DENND4A: variants seen among roughly 807,000 people sequenced by gnomAD.
DENND4A encodes the protein DENN domain containing 4A.
Under a neutral mutation model 199.3 loss-of-function variants are expected in DENND4A, and 70 were observed. The observed-to-expected ratio is 0.35, with a 90% CI of 0.29 to 0.43. The LOEUF (loss-of-function observed/expected upper bound fraction) is 0.43, where lower values mean the gene tolerates loss of function less well. Among genes scored for constraint, DENND4A ranks in the 20% least tolerant of loss-of-function variants. DENND4A has a pLI of 1.00. For missense variants in DENND4A, 1,723 were observed against 2,255.8 expected, an observed-to-expected ratio of 0.76 and a Z score of 4.78; for synonymous variants, 686 against 766.9, an observed-to-expected ratio of 0.89 and a Z score of 1.74.
rs533854667 is a variant in DENND4A at position 65,705,063 on chromosome 15, G to A, written c.2087+1028C>T. ...TTGTTTAGAAAGACAAAGAGAGGAA[G>A]AGAGAAATTAAGAGAAATATTTTAA... On this transcript the variant is annotated intron_variant, in intron 15 of 32. Coordinates refer to ENST00000443035, the MANE Select transcript of DENND4A (RefSeq NM_001320835.1). Among the ~76,000 whole-genome samples, 29 of 152,272 alleles carry A rather than the reference G, an allele frequency of 1.9e-4. No individual in the cohort carries two copies. In the South Asian group the frequency reaches 6.0e-3, roughly 32 times the overall value.
At chr15:65,690,317 G>A in intron 23 of DENND4A, 98 bp downstream of exon 23, 1 of 1,295,062 alleles carries the variant, frequency 7.7e-7, no homozygotes, top group South Asian at 1.9e-5. Context: ...TTTTTATAAA[G>A]CTATGTTTAG....
rs867596120 is a variant in DENND4A at position 65,741,434 on chromosome 15, C to T, written c.631+281G>A. On this transcript the variant is annotated intron_variant, in intron 5 of 32. Coordinates refer to ENST00000443035, the MANE Select transcript of DENND4A (RefSeq NM_001320835.1). ...GAAATATTAATTTAAAATGAAAATA[C>T]ATTTTACCATATTTCTGCTGATTTA... 1.4e-4 allele frequency among the ~76,000 whole-genome samples: 21 copies of T among 152,200 alleles called. 2 individuals carry two copies. In the Middle Eastern group the frequency reaches 0.027, roughly 197 times the overall value.
chr15:65,701,872 T>C lies in DENND4A; in HGVS notation c.2449A>G (p.Met817Val). 1.9e-6 allele frequency: 3 copies of C among 1,613,862 alleles called. No homozygotes were observed. Among genetic ancestry groups the C allele is most frequent in the Non-Finnish European group, 2.5e-6 (3 of 1,179,812 alleles). ...TGATCATATTGTCCACAGAGTTGCA[T>C]AAGAATGCGGTAGCATACCTGAAAT... ...PPDEVCYRIL[M>V]QLCGQYDQPV... The change falls in exon 18 of 33, where the codon ATG becomes GTG. Residue 817 changes from methionine to valine, a missense_variant. Met to Val is a conservative substitution (Grantham distance 21). Transcript: ENST00000443035.
chr15:65,728,397 C>T (rs2075868551), intron 11 of DENND4A, among the ~76,000 whole-genome samples: 1 of 151,904 alleles, frequency 6.6e-6, no homozygotes, highest in Non-Finnish European at 1.5e-5. Flanking sequence ...GTGATTTCAC[C>T]TATACTCATA....
At chr15:65,779,464 G>A (rs1185331629) in intron 1 of DENND4A, among the ~76,000 whole-genome samples, 2 of 149,504 alleles carry the variant, frequency 1.3e-5, no homozygotes, top group East Asian at 2.0e-4. Context: ...AAAAAAAAAA[G>A]AGAAGGAAAA....
intron 1 of DENND4A, among the ~76,000 whole-genome samples, chr15:65,773,551 G>T (rs1009247281): frequency 7.9e-5 from 12 of 152,140 alleles, no homozygotes; most frequent in African/African-American, 2.9e-4. Flanking sequence ...GAGATGGAAG[G>T]GGATTCCACA....
intron 14 of DENND4A, 35 bp from the exon 15 acceptor site, chr15:65,706,259 C>G: frequency 1.4e-6 from 2 of 1,447,430 alleles, no homozygotes; most frequent in Non-Finnish European, 9.1e-7. Context: ...TTAAAAAAGC[C>G]ACATTGGTTA....
At chr15:65,713,588 A>G (rs1279886632) in intron 14 of DENND4A, among the ~76,000 whole-genome samples, 4 of 152,186 alleles carry the variant, frequency 2.6e-5, no homozygotes, top group Non-Finnish European at 5.9e-5. Flanking sequence ...CAGTTGATTG[A>G]TATCTGTGTA....
chr15:65,668,341 T>C (rs2076111398), intron 27 of DENND4A, among the ~76,000 whole-genome samples: 1 of 151,962 alleles, frequency 6.6e-6, no homozygotes, highest in Non-Finnish European at 1.5e-5. Flanking sequence ...CCCGAGTGGC[T>C]GGGACTACGG....
intron 17 of DENND4A, 28 bp from the exon 18 acceptor site, chr15:65,701,918 A>C (rs759289249): frequency 6.2e-7 from 1 of 1,612,646 alleles, no homozygotes; most frequent in Non-Finnish European, 8.5e-7. Flanking sequence ...AATTGTACCG[A>C]AACACAGATG....
intron 14 of DENND4A, among the ~76,000 whole-genome samples, chr15:65,712,359 C>T (rs2075276229): frequency 2.0e-5 from 3 of 152,104 alleles, no homozygotes; most frequent in Non-Finnish European, 4.4e-5. Flanking sequence ...TGAATAAAAC[C>T]CAGTTAAAGG....
At chr15:65,772,125 T>C (rs1395054604) in intron 1 of DENND4A, 3 of 814,758 alleles carry the variant, frequency 3.7e-6, no homozygotes, top group Non-Finnish European at 4.2e-6. Flanking sequence ...CTCAGCTTCA[T>C]CCCTGTTCCC....
intron 23 of DENND4A, among the ~76,000 whole-genome samples, chr15:65,684,607 G>A (rs2076691528): frequency 1.3e-5 from 2 of 152,072 alleles, no homozygotes; most frequent in Admixed American, 6.6e-5. Context: ...ATGGATTCAA[G>A]TCCTTTACTA....
At chr15:65,738,929 T>C in intron 5 of DENND4A, 54 bp from the exon 6 acceptor site, 2 of 1,303,466 alleles carry the variant, frequency 1.5e-6, no homozygotes, top group Admixed American at 3.0e-5. Context: ...TAGGTACTTA[T>C]TATTTCAATG....
chr15:65,735,894 C>G (rs552688549), intron 7 of DENND4A, among the ~76,000 whole-genome samples: 35 of 152,090 alleles, frequency 2.3e-4, no homozygotes, highest in Non-Finnish European at 4.3e-4. Context: ...GAGTTCGAGA[C>G]CAGCCTCACC....
chr15:65,790,262 T>C (rs1596727694), intron 1 of DENND4A, among the ~76,000 whole-genome samples: 1 of 152,304 alleles, frequency 6.6e-6, no homozygotes, highest in East Asian at 1.9e-4. Context: ...TCAGAACAAA[T>C]CAGCATCAAC....
intron 27 of DENND4A, among the ~76,000 whole-genome samples, chr15:65,668,503 C>T (rs1208793830): frequency 6.6e-6 from 1 of 152,014 alleles, no homozygotes; most frequent in Non-Finnish European, 1.5e-5. Context: ...GCCACCACTA[C>T]CGGCCATGTT....
intron 14 of DENND4A, among the ~76,000 whole-genome samples, chr15:65,713,685 C>T (rs1253742920): frequency 6.6e-6 from 1 of 152,112 alleles, no homozygotes; most frequent in Non-Finnish European, 1.5e-5. Flanking sequence ...TGTGGAAATC[C>T]CTTCAAATTG....
At chr15:65,789,308 T>TC (rs1300606775) in intron 1 of DENND4A, among the ~76,000 whole-genome samples, 2 of 152,098 alleles carry the variant, frequency 1.3e-5, no homozygotes, top group African/African-American at 2.4e-5. Context: ...TGCCTTGGCC[T>TC]CCCAAAGGGC....
Sources: gnomAD v4.1 joint callset for allele counts (sites outside exome capture counted in the v4.1 genomes callset) on GRCh38, gnomAD v4.1.1 for gene constraint, MANE v1.5 for transcripts, NCBI Gene and HGNC (gene_info 2026-07-23, HGNC 2026-07-21) for gene names.